RAB3GAP2: variants seen among roughly 807,000 people sequenced by gnomAD.
RAB3GAP2 encodes rab3 GTPase-activating protein non-catalytic subunit.
Under a neutral mutation model 185.3 loss-of-function variants are expected in RAB3GAP2, and 87 were observed. The ratio of observed to expected loss-of-function variants is 0.47; its 90% CI spans 0.39 to 0.56. The LOEUF (loss-of-function observed/expected upper bound fraction) is 0.56. Among genes scored for constraint, RAB3GAP2 ranks in the 20% least tolerant of loss-of-function variants. The probability of loss-of-function intolerance (pLI) is 0.00; values close to 1 mark genes in which losing one functional copy is unlikely to be tolerated. For missense variants in RAB3GAP2, 1,492 were observed against 1,638.2 expected, an observed-to-expected ratio of 0.91 and a Z score of 1.54; for synonymous variants, 554 against 576.1, an observed-to-expected ratio of 0.96 and a Z score of 0.55.
chr1:220,164,691 T>C, intron 27 of RAB3GAP2, 42 bp downstream of exon 27: 1 of 1,579,832 alleles, frequency 6.3e-7, no homozygotes, highest in Non-Finnish European at 8.6e-7. Context: ...AGGAAGCCTC[T>C]TTTAGATCAA....
chr1:220,217,347 T>G (rs143518908), intron 2 of RAB3GAP2, among the ~76,000 whole-genome samples: 126 of 152,320 alleles, frequency 8.3e-4, no homozygotes, highest in Middle Eastern at 6.8e-3. Context: ...AGCTACAAGA[T>G]GACCACTGTA....
intron 9 of RAB3GAP2, among the ~76,000 whole-genome samples, chr1:220,199,016 T>C (rs1450889511): frequency 6.7e-6 from 1 of 150,254 alleles, no homozygotes; most frequent in Non-Finnish European, 1.5e-5. Context: ...ATGCTTGCTG[T>C]GTCTGAGGAA....
intron 2 of RAB3GAP2, among the ~76,000 whole-genome samples, chr1:220,224,771 G>A (rs1340344235): frequency 6.6e-6 from 1 of 152,180 alleles, no homozygotes; most frequent in Non-Finnish European, 1.5e-5. Flanking sequence ...TGGTCACTGA[G>A]TTTACAGTTC....
intron 33 of RAB3GAP2, among the ~76,000 whole-genome samples, chr1:220,152,586 TCCC>T (rs35485556): frequency 1.3e-5 from 2 of 152,202 alleles, no homozygotes; most frequent in African/African-American, 4.8e-5. Flanking sequence ...CAAGCACTGT[TCCC>T]CCAGTTTCTG....
Position 220,232,712 on chromosome 1 carries a change from T to A in RAB3GAP2, c.180+87A>T, listed in dbSNP as rs12086760. The A allele has an allele frequency of 3.3e-6, 4 of 1,216,222 alleles. No homozygotes were observed. In the African/African-American group the frequency reaches 6.0e-5, roughly 18 times the overall value. 75.3% of individuals were successfully genotyped at this position (1,216,222 alleles called of 1,614,324 possible). On this transcript the variant is annotated intron_variant, in intron 2 of 34. Transcript: ENST00000358951. ...AATATTCTTGACATCGAATTTAAAA[T>A]GTCAGCTTGACAGGGAAATATGTCA...
intron 1 of RAB3GAP2, chr1:220,254,214 T>C (rs993405218): frequency 1.9e-6 from 3 of 1,613,586 alleles, no homozygotes; most frequent in African/African-American, 2.7e-5. Context: ...ATGCGGTTAA[T>C]GAAGTTGTGG....
At chr1:220,228,294 T>C (rs1443418068) in intron 2 of RAB3GAP2, among the ~76,000 whole-genome samples, 1 of 152,204 alleles carries the variant, frequency 6.6e-6, no homozygotes, top group Non-Finnish European at 1.5e-5. Context: ...TCTGCCAAAA[T>C]TTATTCTAAT....
intron 33 of RAB3GAP2, 78 bp downstream of exon 33, chr1:220,153,107 G>A: frequency 5.4e-6 from 6 of 1,114,078 alleles, no homozygotes; most frequent in Non-Finnish European, 2.8e-6. Context: ...AGGCTTCATT[G>A]GAAACTTAAC....
intron 1 of RAB3GAP2, chr1:220,267,135 G>A: frequency 1.5e-6 from 2 of 1,310,792 alleles, no homozygotes; most frequent in African/African-American, 2.9e-5. Flanking sequence ...CAAGAAGTAA[G>A]TTCTCTGGCT....
chr1:220,155,468 C>G (rs1165768347), intron 31 of RAB3GAP2, among the ~76,000 whole-genome samples: 1 of 152,222 alleles, frequency 6.6e-6, no homozygotes, highest in Non-Finnish European at 1.5e-5. Context: ...TTAGCATACA[C>G]TCACAATCTG....
At chr1:220,244,724 C>T (rs1318841422) in intron 1 of RAB3GAP2, among the ~76,000 whole-genome samples, 2 of 152,116 alleles carry the variant, frequency 1.3e-5, no homozygotes, top group East Asian at 3.8e-4. Context: ...ACCACTGGAA[C>T]AGAATAAAGA....
At chr1:220,267,305 T>C in intron 1 of RAB3GAP2, 1 of 968,024 alleles carries the variant, frequency 1.0e-6, no homozygotes, top group Non-Finnish European at 1.7e-6. Flanking sequence ...AGGTAGACTC[T>C]GGTGGCATCA....
chr1:220,268,164 C>A (rs1252853744), intron 1 of RAB3GAP2, among the ~76,000 whole-genome samples: 1 of 152,154 alleles, frequency 6.6e-6, no homozygotes, highest in Non-Finnish European at 1.5e-5. Flanking sequence ...AAAGCAAAGG[C>A]AAATACCATC....
At chr1:220,157,242 T>C in intron 31 of RAB3GAP2, 28 bp downstream of exon 31, 1 of 1,584,174 alleles carries the variant, frequency 6.3e-7, no homozygotes. Context: ...AACTCCAAAA[T>C]AGCTCTGAAA....
chr1:220,153,181 T>G lies in RAB3GAP2; in HGVS notation c.3867+4A>C, dbSNP rs1349765146. 1 of 1,596,658 alleles carries G rather than the reference T, an allele frequency of 6.3e-7. No homozygotes were observed. Among genetic ancestry groups the G allele is most frequent in the South Asian group, 1.1e-5 (1 of 90,720 alleles). ...CCAATTAACATTCAAAGGGTCATGA[T>G]TACCTCTTCTCCTAAGTGGTCAACT... is the stretch of plus-strand genomic sequence containing the variant. On this transcript the variant is annotated splice_donor_region_variant and intron_variant, in intron 33 of 34. Transcript: ENST00000358951.
intron 27 of RAB3GAP2, among the ~76,000 whole-genome samples, chr1:220,163,666 CTTAA>C (rs1658006918): frequency 6.8e-6 from 1 of 147,930 alleles, no homozygotes; most frequent in South Asian, 2.1e-4. Flanking sequence ...CCGGCAGTAA[CTTAA>C]TTTTATCAAT....
At chr1:220,268,596 A>G (rs894722294) in intron 1 of RAB3GAP2, among the ~76,000 whole-genome samples, 1 of 152,242 alleles carries the variant, frequency 6.6e-6, no homozygotes, top group East Asian at 1.9e-4. Context: ...CCAAACCATC[A>G]TAAGTCTGAG....
Position 220,148,875 on chromosome 1 carries a change from C to T in RAB3GAP2, c.*2376G>A, listed in dbSNP as rs964044980. On this transcript the variant is annotated 3_prime_UTR_variant, in exon 35 of 35. Transcript: ENST00000358951. ...TGTAGAAGTTATGATTATTTGAACA[C>T]TTTTTGTTTTCCTTCAGCATTATAC... 17 of 152,044 alleles carry T rather than the reference C, an allele frequency of 1.1e-4. No homozygotes were observed. Among genetic ancestry groups the T allele is most frequent in the Admixed American group, 5.2e-4 (8 of 15,266 alleles). The allele number at this position is 152,044 out of a possible 1,614,324, so 9.4% of individuals were successfully genotyped here.
At chr1:220,181,489 GTGT>G (rs1209492946) in intron 21 of RAB3GAP2, among the ~76,000 whole-genome samples, 3 of 152,186 alleles carry the variant, frequency 2.0e-5, no homozygotes, top group African/African-American at 7.2e-5. Context: ...TAAAAATTTA[GTGT>G]TGTATTTCCT....
Sources: gnomAD v4.1 joint callset for allele counts (sites outside exome capture counted in the v4.1 genomes callset) on GRCh38, gnomAD v4.1.1 for gene constraint, MANE v1.5 for transcripts, NCBI Gene and HGNC (gene_info 2026-07-23, HGNC 2026-07-21) for gene names.